Variants in NBAS observed in about 807,000 individuals in gnomAD.
The protein encoded by NBAS is NAG/BC035112 fusion.
NBAS carries 219 observed loss-of-function variants against 302.5 expected under a neutral mutation model. The observed-to-expected ratio is 0.72, with a 90% CI of 0.65 to 0.81. The LOEUF (loss-of-function observed/expected upper bound fraction) is 0.81. Ranked by LOEUF, NBAS falls within the 30% of genes least tolerant of loss-of-function variation. The pLI, the probability that NBAS is intolerant of heterozygous loss-of-function variation, is 0.00. For missense variants in NBAS, 2,932 were observed against 2,841.6 expected (o/e 1.03, Z -0.72); for synonymous variants, 1,118 against 1,021.6 (o/e 1.09, Z -1.80).
the NBAS span, among the ~76,000 whole-genome samples, chr2:15,119,114 C>G: frequency 1.3e-5 from 2 of 151,922 alleles, no homozygotes; most frequent in South Asian, 4.2e-4. Flanking sequence ...TGGGGGTGTT[C>G]ATTTTCAGCA....
chr2:15,437,864 T>C (rs1024326583), intron 21 of NBAS, among the ~76,000 whole-genome samples: 1 of 152,168 alleles, frequency 6.6e-6, no homozygotes, highest in African/African-American at 2.4e-5. Flanking sequence ...AAAGTGCCAC[T>C]GGTATTCAAA....
the NBAS span, among the ~76,000 whole-genome samples, chr2:15,011,120 T>C: frequency 6.6e-6 from 1 of 152,222 alleles, no homozygotes; most frequent in Non-Finnish European, 1.5e-5. Flanking sequence ...GAATAAAGGC[T>C]TGAGTTACAT....
the NBAS span, among the ~76,000 whole-genome samples, chr2:15,036,335 G>T: frequency 6.6e-6 from 1 of 152,114 alleles, no homozygotes. Flanking sequence ...TGTGCTAGAA[G>T]GTGTACTAGA....
chr2:14,846,980 G>T, the NBAS span, among the ~76,000 whole-genome samples: 1 of 152,118 alleles, frequency 6.6e-6, no homozygotes, highest in African/African-American at 2.4e-5. Flanking sequence ...TAATAACATT[G>T]AATGTAAATG....
the NBAS span, among the ~76,000 whole-genome samples, chr2:14,887,249 C>T: frequency 1.3e-5 from 2 of 151,978 alleles, no homozygotes; most frequent in Non-Finnish European, 2.9e-5. Flanking sequence ...ACTAAAACTA[C>T]AAAAATTATT....
At chr2:15,297,590 T>C (rs192402203) in intron 40 of NBAS, among the ~76,000 whole-genome samples, 2 of 152,342 alleles carry the variant, frequency 1.3e-5, no homozygotes, top group African/African-American at 4.8e-5. Flanking sequence ...CATCGCCTTC[T>C]GCCATGATTG....
chr2:15,343,000 G>A (rs1483827111), intron 35 of NBAS, among the ~76,000 whole-genome samples: 1 of 151,582 alleles, frequency 6.6e-6, no homozygotes, highest in Admixed American at 6.6e-5. Flanking sequence ...GGACACCCAA[G>A]TTCAATAGAG....
chr2:14,929,195 G>C, the NBAS span, among the ~76,000 whole-genome samples: 6 of 152,256 alleles, frequency 3.9e-5, no homozygotes, highest in African/African-American at 1.4e-4. Context: ...TTTCTGAAGA[G>C]GGTCCACTTT....
intron 29 of NBAS, among the ~76,000 whole-genome samples, chr2:15,382,729 G>A (rs770567563): frequency 6.6e-6 from 1 of 152,182 alleles, no homozygotes; most frequent in Non-Finnish European, 1.5e-5. Flanking sequence ...CTAAGGAGTA[G>A]AGCTACTTTT....
At chr2:15,265,812 T>C (rs1321256194) in intron 44 of NBAS, among the ~76,000 whole-genome samples, 2 of 152,022 alleles carry the variant, frequency 1.3e-5, no homozygotes, top group South Asian at 2.1e-4. Context: ...TGCATAAAGA[T>C]AAAAGCAGGC....
the NBAS span, among the ~76,000 whole-genome samples, chr2:14,915,424 T>C: frequency 6.6e-6 from 1 of 152,180 alleles, no homozygotes; most frequent in Non-Finnish European, 1.5e-5. Flanking sequence ...TAGCTGCATG[T>C]CCCCACCCAT....
chr2:14,932,550 T>C, the NBAS span, among the ~76,000 whole-genome samples: 1 of 152,338 alleles, frequency 6.6e-6, no homozygotes, highest in African/African-American at 2.4e-5. Context: ...TTGCCTTTTC[T>C]TTCAAAGACC....
chr2:15,042,409 G>A, the NBAS span, among the ~76,000 whole-genome samples: 1 of 58,790 alleles, frequency 1.7e-5, no homozygotes, highest in African/African-American at 8.6e-5. Context: ...ATTGCTGGGA[G>A]AAGGAAGTAG....
At chr2:15,408,448 T>C (rs1014780752) in intron 25 of NBAS, among the ~76,000 whole-genome samples, 1 of 152,208 alleles carries the variant, frequency 6.6e-6, no homozygotes, top group Non-Finnish European at 1.5e-5. Flanking sequence ...GTTTCCTAAG[T>C]ATGATTATTT....
Position 15,468,545 on chromosome 2 carries a change from G to T in NBAS, c.1726-12C>A. The T allele has an allele frequency of 6.2e-7, 1 of 1,613,362 alleles. No homozygotes were observed. The highest frequency in any genetic ancestry group is 1.1e-5 in the South Asian group (1 of 91,072). On this transcript the variant is annotated splice_polypyrimidine_tract_variant and intron_variant, in intron 16 of 51. Transcript: ENST00000281513. The stretch of plus-strand genomic sequence containing the variant: ...TTCTTTATTTTACTCTGCATATAAA[G>T]GAAGAAACAGAGGAATTACAGAATC...
At chr2:14,910,206 G>A in the NBAS span, among the ~76,000 whole-genome samples, 5 of 152,278 alleles carry the variant, frequency 3.3e-5, no homozygotes, top group South Asian at 4.1e-4. Context: ...TTCTGCAAAG[G>A]TAGAGAGGAT....
Position 15,309,219 on chromosome 2 carries a change from C to T in NBAS, c.4611G>A (p.Leu1537=). ...CAAGAGCCAAGGTCATGTCATTTGGCAAGGCTTCACTTGCTAGTTGCAAGA... is the reference window on the plus strand; with the variant it reads ...CAAGAGCCAAGGTCATGTCATTTGGTAAGGCTTCACTTGCTAGTTGCAAGA... The part of the protein sequence containing the change: ...EVLLQLASEA[L]PNDMTLALAY... Residue 1537 remains leucine (L), a synonymous_variant, in exon 39 of 52, where the codon TTG becomes TTA. Transcript: ENST00000281513. 1 of 1,612,206 alleles carries T rather than the reference C, an allele frequency of 6.2e-7. No individual in the cohort carries two copies.
At position 15,534,588 on chromosome 2, in the gene NBAS, T is replaced by G. The variant is rs141602025; in HGVS notation, c.701A>C (p.His234Pro). 3.7e-6 allele frequency: 6 copies of G among 1,613,884 alleles called. No individual in the cohort carries two copies. The African/African-American group carries it at 6.7e-5, about 18-fold the overall frequency. The change falls in exon 9 of 52, where the codon CAT becomes CCT. Residue 234 changes from histidine to proline, a missense_variant. His to Pro is a moderately conservative substitution (Grantham distance 77). Transcript: ENST00000281513. ...QESHCFSFSS[H>P]YPHGINTAIY... The stretch of plus-strand genomic sequence containing the variant: ...AGCTGTGTTGATTCCATGAGGATAA[T>G]GACTACTGAAGCTGAAACAGTGACT...
At chr2:15,178,635 G>T (rs140008986) in intron 51 of NBAS, among the ~76,000 whole-genome samples, 21 of 152,290 alleles carry the variant, frequency 1.4e-4, no homozygotes, top group African/African-American at 5.1e-4. Flanking sequence ...TGCAATGATG[G>T]GAGTTCCCTA....
Sources: allele counts gnomAD v4.1 joint callset (sites outside exome capture counted in the v4.1 genomes callset), GRCh38; gene constraint gnomAD v4.1.1; transcripts MANE v1.5; gene names NCBI Gene and HGNC (gene_info 2026-07-23, HGNC 2026-07-21).